Variants in IL1RAPL1 observed in about 807,000 individuals in gnomAD.
IL1RAPL1 encodes interleukin 1 receptor accessory protein like 1.
Under a neutral mutation model 48.4 loss-of-function variants are expected in IL1RAPL1, and 3 were observed. That is an observed-to-expected ratio of 0.06 (90% CI 0.03 to 0.16). The LOEUF is 0.16. IL1RAPL1 is among the 10% of genes least tolerant of loss of function. The pLI is 1.00. For missense variants in IL1RAPL1, 349 were observed against 530.6 expected (o/e 0.66, Z 3.36); for synonymous variants, 185 against 187.7 (o/e 0.99, Z 0.12).
intron 2 of IL1RAPL1, among the ~76,000 whole-genome samples, chrX:29,181,775 C>T (rs1930148130): frequency 8.9e-6 from 1 of 112,107 alleles, no homozygotes; most frequent in African/African-American, 3.2e-5. Flanking sequence ...TTCAGATTTT[C>T]AAGAAATGCT....
intron 6 of IL1RAPL1, among the ~76,000 whole-genome samples, chrX:29,803,025 A>G (rs1930040170): frequency 3.7e-5 from 2 of 54,560 alleles, no homozygotes; most frequent in Admixed American, 2.0e-4. Flanking sequence ...GTGTACATAT[A>G]CATGTATGCA....
intron 6 of IL1RAPL1, among the ~76,000 whole-genome samples, chrX:29,700,934 A>G (rs1311756628): frequency 8.9e-6 from 1 of 112,155 alleles, no homozygotes; most frequent in African/African-American, 3.2e-5. Context: ...TGTATAATTT[A>G]TCTATAGAGA....
At chrX:29,062,775 C>G (rs1927370035) in intron 2 of IL1RAPL1, among the ~76,000 whole-genome samples, 1 of 111,372 alleles carries the variant, frequency 9.0e-6, no homozygotes, top group Non-Finnish European at 1.9e-5. Flanking sequence ...ACCCTCTTCT[C>G]ATATTATGAT....
Position 29,955,098 on chromosome X carries a change from G to A in IL1RAPL1, c.1373-4G>A. The A allele has an allele frequency of 1.7e-6, 2 of 1,200,559 alleles. No homozygotes were observed. Among genetic ancestry groups the A allele is most frequent in the Non-Finnish European group, 2.3e-6 (2 of 885,254 alleles). ...ATTTTGATGCACTCTTTTATCTTTT[G>A]TAGCATACATTGAAGATGTGGCAAG... is the stretch of plus-strand genomic sequence containing the variant. On this transcript the variant is annotated splice_region_variant and splice_polypyrimidine_tract_variant and intron_variant, in intron 10 of 10. Coordinates refer to ENST00000378993, the MANE Select transcript of IL1RAPL1 (RefSeq NM_014271.4).
Position 28,890,029 on chromosome X carries a change from G to A in IL1RAPL1, c.82+100604G>A, listed in dbSNP as rs564121589. ...ACTCTGATAGTTGCTTTAACAGAAC[G>A]TGCCTTTTTTGTTTGCTTTGTTCAG... is the stretch of plus-strand genomic sequence containing the variant. On this transcript the variant is annotated intron_variant, in intron 2 of 10. Coordinates refer to ENST00000378993, the MANE Select transcript of IL1RAPL1 (RefSeq NM_014271.4). Among the ~76,000 whole-genome samples, 3 of 111,438 alleles carry A rather than the reference G, an allele frequency of 2.7e-5. No individual in the cohort carries two copies. In the South Asian group the frequency reaches 1.1e-3, roughly 42 times the overall value.
chrX:29,202,076 G>GACACTTGAT (rs1930567396), intron 2 of IL1RAPL1, among the ~76,000 whole-genome samples: 1 of 112,435 alleles, frequency 8.9e-6, no homozygotes, highest in Non-Finnish European at 1.9e-5. Flanking sequence ...TTTTGCATCA[G>GACACTTGAT]ACACTTGATA....
At chrX:29,328,684 G>A (rs1458628364) in intron 3 of IL1RAPL1, among the ~76,000 whole-genome samples, 1 of 109,112 alleles carries the variant, frequency 9.2e-6, no homozygotes. Flanking sequence ...GAGAGAGGGA[G>A]AGAGAGAGTT....
At position 29,941,527 on chromosome X, in the gene IL1RAPL1, GGTTGTGTCAACCC is replaced by G. The variant is rs1300837692; in HGVS notation, c.1058-120_1058-108del. ...CAAATTCTCATGCAAAAAGGAAAGG[GGTTGTGTCAACCC>G]GTTAACCCACATCTGATCTCATCCA... On this transcript the variant is annotated intron_variant, in intron 8 of 10. Coordinates refer to ENST00000378993, the MANE Select transcript of IL1RAPL1 (RefSeq NM_014271.4). The G allele has an allele frequency of 3.5e-5, 24 of 678,198 alleles. No individual in the cohort carries two copies. The East Asian group carries it at 7.8e-4, about 22-fold the overall frequency. The allele number at this position is 678,198 out of a possible 1,213,427, so 55.9% of individuals were successfully genotyped here. A position where few individuals can be genotyped will look rare whatever the true frequency, so the allele number is the denominator to read the frequency against.
intron 1 of IL1RAPL1, among the ~76,000 whole-genome samples, chrX:28,744,277 C>T (rs1935945800): frequency 1.8e-5 from 2 of 111,382 alleles, no homozygotes; most frequent in Admixed American, 1.9e-4. Context: ...ATGGGTTTAA[C>T]AAAAACACAT....
intron 5 of IL1RAPL1, among the ~76,000 whole-genome samples, chrX:29,420,557 T>G (rs1250526231): frequency 8.9e-6 from 1 of 112,288 alleles, no homozygotes; most frequent in Admixed American, 9.5e-5. Context: ...TTTGACACTT[T>G]TTTCTTTCCC....
chrX:29,013,778 G>A (rs111297678), intron 2 of IL1RAPL1, among the ~76,000 whole-genome samples: 13,821 of 109,992 alleles, frequency 0.13, 953 homozygotes, highest in East Asian at 0.25. Context: ...TAATACCTAG[G>A]TGATGGGATG....
At chrX:28,899,031 C>T (rs1923005330) in intron 2 of IL1RAPL1, among the ~76,000 whole-genome samples, 1 of 111,504 alleles carries the variant, frequency 9.0e-6, no homozygotes, top group African/African-American at 3.3e-5. Flanking sequence ...TTTAATGACT[C>T]ACAGTTCAGC....
At chrX:28,645,563 T>C (rs1350946014) in intron 1 of IL1RAPL1, among the ~76,000 whole-genome samples, 2 of 109,873 alleles carry the variant, frequency 1.8e-5, no homozygotes, top group African/African-American at 6.6e-5. Context: ...GAGCAGTCAT[T>C]GATGACCTAA....
At chrX:28,950,714 C>T (rs12013408) in intron 2 of IL1RAPL1, among the ~76,000 whole-genome samples, 3,195 of 107,331 alleles carry the variant, frequency 0.03, 111 homozygotes, top group African/African-American at 0.1. Context: ...GTCAGTGTGG[C>T]GATTCCTCAG....
intron 1 of IL1RAPL1, among the ~76,000 whole-genome samples, chrX:28,637,731 T>C (rs945767554): frequency 1.2e-4 from 13 of 112,368 alleles, no homozygotes; most frequent in African/African-American, 4.2e-4. Context: ...TTGTAAAACA[T>C]TGTGTTTGCG....
intron 1 of IL1RAPL1, among the ~76,000 whole-genome samples, chrX:28,595,244 A>G (rs1933942195): frequency 8.9e-6 from 1 of 112,055 alleles, no homozygotes; most frequent in Admixed American, 9.4e-5. Context: ...AATGAACAAG[A>G]TACAGCTGGT....
intron 1 of IL1RAPL1, among the ~76,000 whole-genome samples, chrX:28,708,240 G>C (rs972228969): frequency 9.0e-6 from 1 of 111,387 alleles, no homozygotes; most frequent in African/African-American, 3.3e-5. Context: ...TGATTTTGTT[G>C]CTGAGAAAAA....
intron 5 of IL1RAPL1, among the ~76,000 whole-genome samples, chrX:29,503,332 G>A (rs1287630845): frequency 9.0e-6 from 1 of 111,045 alleles, no homozygotes; most frequent in African/African-American, 3.3e-5. Context: ...TTGTTTGTTT[G>A]TTTGTTTCAA....
intron 2 of IL1RAPL1, among the ~76,000 whole-genome samples, chrX:28,879,306 C>T (rs1307634481): frequency 1.8e-5 from 2 of 111,034 alleles, no homozygotes; most frequent in African/African-American, 6.5e-5. Context: ...TTCTTCAAAG[C>T]TACTGAGTTA....
Sources: gnomAD v4.1 joint callset for allele counts (sites outside exome capture counted in the v4.1 genomes callset) on GRCh38, gnomAD v4.1.1 for gene constraint, MANE v1.5 for transcripts, NCBI Gene and HGNC (gene_info 2026-07-23, HGNC 2026-07-21) for gene names.